Variants in DNM2 observed in about 807,000 individuals in gnomAD.
DNM2 encodes dynamin 2.
DNM2 carries 15 observed loss-of-function variants against 99.0 expected under a neutral mutation model. That is an observed-to-expected ratio of 0.15 (90% confidence interval 0.10 to 0.23). The LOEUF (loss-of-function observed/expected upper bound fraction) is 0.23, where lower values mean the gene tolerates loss of function less well. Among genes scored for constraint, DNM2 ranks in the 10% least tolerant of loss-of-function variants. The probability of loss-of-function intolerance (pLI) is 1.00; values close to 1 mark genes in which losing one functional copy is unlikely to be tolerated. For missense variants in DNM2, 742 were observed against 1,189.4 expected (o/e 0.62, Z 5.53); for synonymous variants, 525 against 481.2 (o/e 1.09, Z -1.19).
intron 1 of DNM2, among the ~76,000 whole-genome samples, chr19:10,735,941 T>A (rs1446543906): frequency 1.3e-5 from 2 of 152,184 alleles, no homozygotes; most frequent in Non-Finnish European, 2.9e-5. Flanking sequence ...GGCTCTGTCC[T>A]TTCTCCAAAA....
chr19:10,822,113 T>A (rs1245612144), intron 16 of DNM2, among the ~76,000 whole-genome samples: 3 of 152,172 alleles, frequency 2.0e-5, no homozygotes, highest in Non-Finnish European at 4.4e-5. Flanking sequence ...GACCACCATC[T>A]GCAAGCACTG....
At chr19:10,800,458 C>T (rs2146049366) in intron 11 of DNM2, among the ~76,000 whole-genome samples, 1 of 152,336 alleles carries the variant, frequency 6.6e-6, no homozygotes, top group Admixed American at 6.5e-5. Context: ...GGTAAGAATG[C>T]TGCCGGCCCT....
chr19:10,731,020 G>A (rs1191401852), intron 1 of DNM2, among the ~76,000 whole-genome samples: 1 of 152,212 alleles, frequency 6.6e-6, no homozygotes, highest in African/African-American at 2.4e-5. Flanking sequence ...CTTGGAGCCT[G>A]CCCTGTGACA....
chr19:10,830,482 G>T lies in DNM2; in HGVS notation c.2543+104G>T. 1.5e-6 allele frequency: 2 copies of T among 1,334,684 alleles called. No individual in the cohort carries two copies. 82.7% of individuals were successfully genotyped at this position (1,334,684 alleles called of 1,614,324 possible). A position where few individuals can be genotyped will look rare whatever the true frequency, so the allele number is the denominator to read the frequency against. ...GCTCTCACTACGTGCCCAGCTGCTGGAGTGGAGGAATCGTCCTCATCCCTA... is the reference window on the plus strand; with the variant it reads ...GCTCTCACTACGTGCCCAGCTGCTGTAGTGGAGGAATCGTCCTCATCCCTA... On this transcript the variant is annotated intron_variant, in intron 20 of 20. Transcript: ENST00000389253. This position sits in a 1 kb window ranked among gnomAD's most constrained non-coding sequence, Gnocchi z 4.8.
In DNM2 at chr19:10,812,107, T is replaced by C. The variant is rs1164480958; in HGVS notation, c.1558-157T>C. 1 of 625,186 alleles carries C rather than the reference T, an allele frequency of 1.6e-6. No homozygotes were observed. The highest frequency in any genetic ancestry group is 2.9e-6 in the Non-Finnish European group (1 of 344,228). The allele number at this position is 625,186 out of a possible 1,614,324, so 38.7% of individuals were successfully genotyped here. A position where few individuals can be genotyped will look rare whatever the true frequency, so the allele number is the denominator to read the frequency against. ...CATGTTGGTTTCCTGCTGGAAATGCTTGGGACAGGGTGGAACTGGGTTTCC... is the reference window on the plus strand; with the variant it reads ...CATGTTGGTTTCCTGCTGGAAATGCCTGGGACAGGGTGGAACTGGGTTTCC... On this transcript the variant is annotated intron_variant, in intron 14 of 20. Transcript: ENST00000389253. The surrounding 1 kb of genome is among the most constrained non-coding windows in gnomAD (Gnocchi z 4.0).
Position 10,831,089 on chromosome 19 carries a change from G to T in DNM2, c.*42G>T, listed in dbSNP as rs201756628. 2 of 1,560,748 alleles carry T rather than the reference G, an allele frequency of 1.3e-6. No homozygotes were observed. Among genetic ancestry groups the T allele is most frequent in the Admixed American group, 3.8e-5 (2 of 52,452 alleles). On this transcript the variant is annotated 3_prime_UTR_variant, in exon 21 of 21. Coordinates refer to ENST00000389253, the MANE Select transcript of DNM2 (RefSeq NM_001005361.3). The surrounding 1 kb of genome is among the most constrained non-coding windows in gnomAD (Gnocchi z 4.3). Reference sequence around the variant, plus strand: ...GCTCTCGGGGGGGCCTCACGCACCCGCGGCGCAGGAGCTTCAGTGGTCTGG... The same window carrying T: ...GCTCTCGGGGGGGCCTCACGCACCCTCGGCGCAGGAGCTTCAGTGGTCTGG...
intron 15 of DNM2, among the ~76,000 whole-genome samples, chr19:10,813,765 G>A (rs2072634272): frequency 6.6e-6 from 1 of 151,544 alleles, no homozygotes; most frequent in Non-Finnish European, 1.5e-5. Context: ...GATGGAGGCT[G>A]TGGTGAGCTA....
chr19:10,823,419 A>AATAAT (rs1555715776), intron 16 of DNM2: 4 of 151,562 alleles, frequency 2.6e-5, no homozygotes, highest in African/African-American at 9.8e-5. Context: ...AAAAAAAAAT[A>AATAAT]AATAATAATA....
chr19:10,770,143 A>T (rs184293957), intron 2 of DNM2, among the ~76,000 whole-genome samples: 1 of 152,322 alleles, frequency 6.6e-6, no homozygotes, highest in East Asian at 1.9e-4. Flanking sequence ...TTCGGTTGCC[A>T]TGATGGGACG....
chr19:10,805,566 G>T (rs1490367684), intron 12 of DNM2, among the ~76,000 whole-genome samples: 3 of 152,176 alleles, frequency 2.0e-5, no homozygotes, highest in Non-Finnish European at 2.9e-5. Flanking sequence ...GCCCGGGAGG[G>T]TCAAGGCTGC....
intron 11 of DNM2, among the ~76,000 whole-genome samples, chr19:10,799,800 C>T (rs1790607411): frequency 6.6e-6 from 1 of 151,744 alleles, no homozygotes; most frequent in Admixed American, 6.6e-5. Flanking sequence ...TCCCAAAGTG[C>T]TGGGATTATA....
At position 10,786,550 on chromosome 19, in the gene DNM2, CCT is replaced by C. The variant is rs1404422473; in HGVS notation, c.850-8_850-7del. The C allele has an allele frequency of 3.7e-6, 6 of 1,614,076 alleles. No individual in the cohort carries two copies. The South Asian group carries it at 6.6e-5, about 18-fold the overall frequency. ...CCATGCCACCCTTTCTGATCTCTGA[CCT>C]CTCTCCTGCAGCAACTGACCAACCA... On this transcript the variant is annotated splice_polypyrimidine_tract_variant and intron_variant, in intron 6 of 20. Coordinates refer to ENST00000389253, the MANE Select transcript of DNM2 (RefSeq NM_001005361.3).
rs1163428186 is a variant in DNM2 at position 10,764,807 on chromosome 19, C to T, written c.235+4996C>T. 6.6e-6 allele frequency among the ~76,000 whole-genome samples: 1 copy of T among 152,172 alleles called. No individual in the cohort carries two copies. The highest frequency in any genetic ancestry group is 2.4e-5 in the African/African-American group (1 of 41,422). ...ATTCTCAGGCCCAGCTTGCTGGTTC[C>T]CACTGCTTGGCCTCTGTGCTCACTG... On this transcript the variant is annotated intron_variant, in intron 2 of 20. Coordinates refer to ENST00000389253, the MANE Select transcript of DNM2 (RefSeq NM_001005361.3). The surrounding 1 kb of genome is among the most constrained non-coding windows in gnomAD (Gnocchi z 4.1).
chr19:10,765,789 CCTGCCTG>C lies in DNM2; in HGVS notation c.235+5980_235+5986del, dbSNP rs2145882592. On this transcript the variant is annotated intron_variant, in intron 2 of 20. Transcript: ENST00000389253. The surrounding 1 kb of genome is among the most constrained non-coding windows in gnomAD (Gnocchi z 4.4). ...AGATCCCCAAGTTGTTCCCCCTGGT[CCTGCCTG>C]CCAACAGCAGGTTTGGGAAAGGCAG... 6.6e-6 allele frequency among the ~76,000 whole-genome samples: 1 copy of C among 152,314 alleles called. No individual in the cohort carries two copies. Among genetic ancestry groups the C allele is most frequent in the Non-Finnish European group, 1.5e-5 (1 of 68,026 alleles).
At chr19:10,790,894 T>C (rs188870173) in intron 7 of DNM2, among the ~76,000 whole-genome samples, 2 of 151,162 alleles carry the variant, frequency 1.3e-5, no homozygotes, top group African/African-American at 4.9e-5. Context: ...GCCTCCCGAG[T>C]AGCTGGGAAT....
intron 16 of DNM2, among the ~76,000 whole-genome samples, chr19:10,822,902 C>T (rs1216131674): frequency 2.0e-5 from 3 of 151,516 alleles, no homozygotes; most frequent in Non-Finnish European, 4.4e-5. Flanking sequence ...GTCAGAAGAT[C>T]GAGATCATCC....
intron 7 of DNM2, among the ~76,000 whole-genome samples, chr19:10,789,762 AG>A (rs2071687026): frequency 6.6e-6 from 1 of 152,184 alleles, no homozygotes; most frequent in African/African-American, 2.4e-5. Context: ...TGAACCTGGG[AG>A]TCAGAGGTTG....
intron 1 of DNM2, among the ~76,000 whole-genome samples, chr19:10,720,095 G>A (rs2068886697): frequency 6.7e-6 from 1 of 150,276 alleles, no homozygotes; most frequent in Non-Finnish European, 1.5e-5. Context: ...GACGGGGGTG[G>A]GGGGTGTTTG....
At position 10,772,255 on chromosome 19, in the gene DNM2, A is replaced by G. The variant is rs1037061356; in HGVS notation, c.236-224A>G. Among the ~76,000 whole-genome samples, 1 of 151,572 alleles carries G rather than the reference A, an allele frequency of 6.6e-6. No individual in the cohort carries two copies. Among genetic ancestry groups the G allele is most frequent in the African/African-American group, 2.4e-5 (1 of 41,228 alleles). Reference sequence around the variant, plus strand: ...CCACCATGCCAGGCTAATTTTTTGTATTTTTAGTAGAGACAGGGTTTCACC... The same window carrying G: ...CCACCATGCCAGGCTAATTTTTTGTGTTTTTAGTAGAGACAGGGTTTCACC... On this transcript the variant is annotated intron_variant, in intron 2 of 20. Coordinates refer to ENST00000389253, the MANE Select transcript of DNM2 (RefSeq NM_001005361.3). This position sits in a 1 kb window ranked among gnomAD's most constrained non-coding sequence, Gnocchi z 4.9.
Sources: gnomAD v4.1 joint callset for allele counts (sites outside exome capture counted in the v4.1 genomes callset) on GRCh38, gnomAD v4.1.1 for gene constraint, Gnocchi (gnomAD v3.1) non-coding constraint, MANE v1.5 for transcripts, NCBI Gene and HGNC (gene_info 2026-07-23, HGNC 2026-07-21) for gene names.